The following GPC5 variants were observed in gnomAD, a reference collection of about 807,000 sequenced individuals.
GPC5 encodes glypican 5, also known as glypican-5.
In GPC5, 47 loss-of-function variants were observed where a neutral mutation model predicts 53.9. The ratio of observed to expected loss-of-function variants is 0.87; its 90% CI spans 0.69 to 1.11. GPC5 has a LOEUF of 1.11. Among genes scored for constraint, GPC5 ranks in the 50% most tolerant of loss-of-function variants. The pLI, the probability that GPC5 is intolerant of heterozygous loss-of-function variation, is 0.00. For missense variants in GPC5, 748 were observed against 713.1 expected, an observed-to-expected ratio of 1.05 and a Z score of -0.56; for synonymous variants, 286 against 263.3, an observed-to-expected ratio of 1.09 and a Z score of -0.84.
Position 91,693,605 on chromosome 13 carries a change from C to T in GPC5, c.744C>T (p.Cys248=). 1.2e-6 allele frequency: 2 copies of T among 1,614,112 alleles called. No homozygotes were observed. The highest frequency in any genetic ancestry group is 1.7e-6 in the Non-Finnish European group (2 of 1,180,016). The change falls in exon 3 of 8, where the codon TGC becomes TGT. Residue 248 remains cysteine (C), a synonymous_variant. Transcript: ENST00000377067. ...TTDYLHFSKE[C]SRALLKMQYC... is the part of the protein sequence containing the mutation. ...ACTATCTGCACTTCTCCAAAGAGTG[C>T]AGCAGAGCCCTCCTGAAGATGCAAT...
At chr13:91,502,591 G>T (rs950410553) in intron 2 of GPC5, among the ~76,000 whole-genome samples, 4 of 152,112 alleles carry the variant, frequency 2.6e-5, no homozygotes, top group African/African-American at 7.2e-5. Context: ...TCCCAGAACT[G>T]CAGTTTCAAG....
intron 2 of GPC5, among the ~76,000 whole-genome samples, chr13:91,560,765 GA>G (rs1008927071): frequency 4.7e-5 from 7 of 147,506 alleles, no homozygotes; most frequent in Admixed American, 1.4e-4. Flanking sequence ...TTTTTTTTAG[GA>G]AAAAAAATTA....
chr13:92,612,114 G>A (rs1380067053), intron 7 of GPC5, among the ~76,000 whole-genome samples: 3 of 152,042 alleles, frequency 2.0e-5, no homozygotes, highest in Non-Finnish European at 4.4e-5. Context: ...GTTGGAATTA[G>A]GTCTTTTCTC....
chr13:92,149,120 A>T (rs2041889325), intron 7 of GPC5, among the ~76,000 whole-genome samples: 1 of 152,032 alleles, frequency 6.6e-6, no homozygotes, highest in African/African-American at 2.4e-5. Flanking sequence ...CACTTTTAAA[A>T]AGTAAGGTGG....
intron 2 of GPC5, among the ~76,000 whole-genome samples, chr13:91,603,949 GT>G (rs542915152): frequency 0.036 from 5,044 of 141,934 alleles, 260 homozygotes; most frequent in African/African-American, 0.12. Context: ...GTTCTTACTA[GT>G]TTTTTTTTTT....
In GPC5 at chr13:91,848,642, A is replaced by G. The variant is rs1430797981; in HGVS notation, c.1281-59295A>G. Among the ~76,000 whole-genome samples the G allele has an allele frequency of 7.2e-5, 11 of 152,192 alleles. 1 individual carries two copies. Among genetic ancestry groups the G allele is most frequent in the Non-Finnish European group, 1.6e-4 (11 of 68,034 alleles). On this transcript the variant is annotated intron_variant, in intron 5 of 7. Transcript: ENST00000377067. Reference sequence around the variant, plus strand: ...TCTAAAGTGATTCTGCTTCTTTCATAAGTGAGGTATATCTGTTGTTAACTA... The same window carrying G: ...TCTAAAGTGATTCTGCTTCTTTCATGAGTGAGGTATATCTGTTGTTAACTA...
chr13:92,268,492 T>G (rs1453878974), intron 7 of GPC5, among the ~76,000 whole-genome samples: 1 of 152,038 alleles, frequency 6.6e-6, no homozygotes, highest in Non-Finnish European at 1.5e-5. Flanking sequence ...CTTTATTTTG[T>G]AAAATAGTGA....
At chr13:91,978,944 A>G (rs2040332948) in intron 6 of GPC5, among the ~76,000 whole-genome samples, 1 of 152,196 alleles carries the variant, frequency 6.6e-6, no homozygotes. Flanking sequence ...ACAGGTTGAT[A>G]AGATGAAAGC....
intron 6 of GPC5, among the ~76,000 whole-genome samples, chr13:91,989,605 G>C (rs925149783): frequency 6.6e-6 from 1 of 152,056 alleles, no homozygotes. Context: ...ACTGTTATAC[G>C]ATAGGTACTA....
intron 5 of GPC5, among the ~76,000 whole-genome samples, chr13:91,846,961 T>C (rs533391462): frequency 6.6e-6 from 1 of 152,268 alleles, no homozygotes; most frequent in South Asian, 2.1e-4. Flanking sequence ...GGCTCACTCC[T>C]GTAATCCCAG....
At position 92,031,044 on chromosome 13, in the gene GPC5, A is replaced by G. The variant is rs561994022; in HGVS notation, c.1402-113786A>G. On this transcript the variant is annotated intron_variant, in intron 6 of 7. Transcript: ENST00000377067. ...TTACAGGTTTTGGTCCCTCTTTGTGATCCCTCATTTGATTTCTGGCACATT... is the reference window on the plus strand; with the variant it reads ...TTACAGGTTTTGGTCCCTCTTTGTGGTCCCTCATTTGATTTCTGGCACATT... 8.7e-4 allele frequency among the ~76,000 whole-genome samples: 132 copies of G among 152,104 alleles called. 1 individual carries two copies. The Middle Eastern group carries it at 0.034, about 39-fold the overall frequency.
intron 6 of GPC5, among the ~76,000 whole-genome samples, chr13:91,930,456 A>C (rs2039810709): frequency 6.6e-6 from 1 of 152,040 alleles, no homozygotes; most frequent in Non-Finnish European, 1.5e-5. Flanking sequence ...TTTTAGTCTA[A>C]AATTTAATTT....
At chr13:92,389,223 G>C (rs116672602) in intron 7 of GPC5, among the ~76,000 whole-genome samples, 1 of 152,114 alleles carries the variant, frequency 6.6e-6, no homozygotes, top group African/African-American at 2.4e-5. Flanking sequence ...GATTCAAAGA[G>C]ATAAAGTGAT....
intron 2 of GPC5, among the ~76,000 whole-genome samples, chr13:91,465,391 A>G (rs1882172139): frequency 6.6e-6 from 1 of 152,110 alleles, no homozygotes; most frequent in South Asian, 2.1e-4. Flanking sequence ...CCTTTTCCAG[A>G]ATGTTATGTA....
At chr13:91,965,695 C>A (rs918073889) in intron 6 of GPC5, among the ~76,000 whole-genome samples, 5 of 152,172 alleles carry the variant, frequency 3.3e-5, no homozygotes, top group Admixed American at 3.3e-4. Context: ...AAGGGGCAGT[C>A]AGGCATGATA....
At chr13:92,766,072 G>A (rs927646524) in intron 7 of GPC5, among the ~76,000 whole-genome samples, 1 of 152,100 alleles carries the variant, frequency 6.6e-6, no homozygotes, top group Non-Finnish European at 1.5e-5. Context: ...CCTGGGCCAT[G>A]TAATTTTACT....
chr13:92,857,144 A>G (rs1879027038), intron 7 of GPC5, among the ~76,000 whole-genome samples: 1 of 152,150 alleles, frequency 6.6e-6, no homozygotes, highest in Non-Finnish European at 1.5e-5. Context: ...AACAGAATAG[A>G]TAATGCAGAA....
intron 7 of GPC5, among the ~76,000 whole-genome samples, chr13:92,858,969 G>A (rs1287084379): frequency 6.6e-6 from 1 of 152,120 alleles, no homozygotes; most frequent in Non-Finnish European, 1.5e-5. Flanking sequence ...GACCTGGTGT[G>A]TGGCTCACAC....
At chr13:92,113,795 G>C (rs1218998194) in intron 6 of GPC5, among the ~76,000 whole-genome samples, 1 of 150,122 alleles carries the variant, frequency 6.7e-6, no homozygotes, top group African/African-American at 2.4e-5. Context: ...ACCAAAGTAA[G>C]ACACTTTAAA....
Sources: allele counts gnomAD v4.1 joint callset (sites outside exome capture counted in the v4.1 genomes callset), GRCh38; gene constraint gnomAD v4.1.1; transcripts MANE v1.5; gene names NCBI Gene and HGNC (gene_info 2026-07-23, HGNC 2026-07-21).